Variants in CCSER1 observed in about 807,000 individuals in gnomAD.
CCSER1 encodes serine-rich coiled-coil domain-containing protein 1.
In CCSER1, 41 loss-of-function variants were observed where a neutral mutation model predicts 82.0. That is an observed-to-expected ratio of 0.50 (90% CI 0.39 to 0.65). CCSER1 has a LOEUF of 0.65. Ranked by LOEUF, CCSER1 falls within the 30% of genes least tolerant of loss-of-function variation. The pLI is 0.00. For missense variants in CCSER1, 1,119 were observed against 1,064.2 expected, an observed-to-expected ratio of 1.05 and a Z score of -0.72; for synonymous variants, 414 against 383.9, an observed-to-expected ratio of 1.08 and a Z score of -0.92.
At chr4:90,196,130 G>A (rs1014989112) in intron 1 of CCSER1, among the ~76,000 whole-genome samples, 1 of 150,194 alleles carries the variant, frequency 6.7e-6, no homozygotes, top group African/African-American at 2.5e-5. Flanking sequence ...AGGTGTGGTG[G>A]TGTGTTCCAG....
intron 9 of CCSER1, among the ~76,000 whole-genome samples, chr4:91,038,963 A>G (rs1040072617): frequency 1.3e-5 from 2 of 152,216 alleles, no homozygotes; most frequent in Admixed American, 6.5e-5. Context: ...GCTAATTTTA[A>G]GAATGTTTGC....
chr4:90,451,577 A>G (rs187223331), intron 4 of CCSER1, among the ~76,000 whole-genome samples: 22 of 152,270 alleles, frequency 1.4e-4, no homozygotes, highest in Non-Finnish European at 1.6e-4. Flanking sequence ...CCCAGCTGGA[A>G]CCCAGCTGGA....
chr4:91,211,424 T>C (rs1016105421), intron 10 of CCSER1, among the ~76,000 whole-genome samples: 1 of 152,094 alleles, frequency 6.6e-6, no homozygotes, highest in Non-Finnish European at 1.5e-5. Flanking sequence ...TGTCTTTAAC[T>C]TGTACATTTT....
Position 90,559,809 on chromosome 4 carries a change from CAAAAAAA to C in CCSER1, c.1725-68196_1725-68190del, listed in dbSNP as rs1236087772. Among the ~76,000 whole-genome samples, 9 of 39,754 alleles carry C rather than the reference CAAAAAAA, an allele frequency of 2.3e-4. 1 individual carries two copies. Among genetic ancestry groups the C allele is most frequent in the East Asian group, 8.1e-4 (1 of 1,234 alleles). The allele number at this position is 39,754 out of a possible 152,430, so 26.1% of individuals were successfully genotyped here. A position where few individuals can be genotyped will look rare whatever the true frequency, so the allele number is the denominator to read the frequency against. On this transcript the variant is annotated intron_variant, in intron 5 of 10. Coordinates refer to ENST00000509176, the MANE Select transcript of CCSER1 (RefSeq NM_001145065.2). ...TGGGAGACAGACCGAGACTCCGTCTCAAAAAAAAAAAAAAAAAAAAAAAAAATAGCCG... is the reference window on the plus strand; with the variant it reads ...TGGGAGACAGACCGAGACTCCGTCTCAAAAAAAAAAAAAAAAAAATAGCCG...
At chr4:91,324,648 TAAAC>T (rs1746426082) in intron 10 of CCSER1, among the ~76,000 whole-genome samples, 1 of 152,148 alleles carries the variant, frequency 6.6e-6, no homozygotes, top group Admixed American at 6.6e-5. Context: ...CTCTGAGTAA[TAAAC>T]AAACAAAATA....
At chr4:90,928,751 T>C (rs1307588585) in intron 9 of CCSER1, among the ~76,000 whole-genome samples, 1 of 152,124 alleles carries the variant, frequency 6.6e-6, no homozygotes, top group African/African-American at 2.4e-5. Flanking sequence ...TGTGATGTGC[T>C]TCTTGAAAAT....
intron 7 of CCSER1, among the ~76,000 whole-genome samples, chr4:90,727,962 T>G (rs568171987): frequency 3.9e-4 from 60 of 152,328 alleles, no homozygotes; most frequent in African/African-American, 1.4e-3. Context: ...TCTATTCTAT[T>G]GTTCTTTGAA....
intron 3 of CCSER1, among the ~76,000 whole-genome samples, chr4:90,343,088 C>CT (rs992080835): frequency 6.6e-6 from 1 of 151,992 alleles, no homozygotes; most frequent in Non-Finnish European, 1.5e-5. Context: ...AGGTCAGCCT[C>CT]TTTATCTGTA....
At chr4:91,449,771 T>C (rs1441230434) in intron 10 of CCSER1, among the ~76,000 whole-genome samples, 1 of 152,084 alleles carries the variant, frequency 6.6e-6, no homozygotes, top group Non-Finnish European at 1.5e-5. Context: ...ATTTTAAGTT[T>C]GTTGAAATTT....
At chr4:90,532,037 G>A (rs1774603438) in intron 5 of CCSER1, among the ~76,000 whole-genome samples, 1 of 152,038 alleles carries the variant, frequency 6.6e-6, no homozygotes, top group Non-Finnish European at 1.5e-5. Flanking sequence ...AAGAAAATAT[G>A]TTTGTAAGAT....
intron 9 of CCSER1, among the ~76,000 whole-genome samples, chr4:91,050,309 T>C (rs938074578): frequency 2.0e-5 from 3 of 151,936 alleles, no homozygotes; most frequent in Admixed American, 2.0e-4. Flanking sequence ...CAGATGCCTG[T>C]AATCCCCGCT....
At chr4:91,152,321 T>C (rs1730301673) in intron 10 of CCSER1, among the ~76,000 whole-genome samples, 1 of 152,244 alleles carries the variant, frequency 6.6e-6, no homozygotes, top group African/African-American at 2.4e-5. Context: ...GTTTTCCATT[T>C]GCTTGGCAGA....
At position 90,257,865 on chromosome 4, in the gene CCSER1, G is replaced by C. The variant is rs115998651; in HGVS notation, c.-41-50379G>C. On this transcript the variant is annotated intron_variant, in intron 1 of 10. Coordinates refer to ENST00000509176, the MANE Select transcript of CCSER1 (RefSeq NM_001145065.2). ...TTTTATTCTATTCAGGCCATCAAGG[G>C]ATTGGATAAGCCCCACTCATATTGG... is the stretch of plus-strand genomic sequence containing the variant. Among the ~76,000 whole-genome samples, 1,262 of 152,202 alleles carry C rather than the reference G, an allele frequency of 8.3e-3. 18 individuals are homozygous for C. The highest frequency in any genetic ancestry group is 0.029 in the African/African-American group (1,213 of 41,530).
At chr4:91,529,366 A>G (rs1285111065) in intron 10 of CCSER1, among the ~76,000 whole-genome samples, 3 of 152,142 alleles carry the variant, frequency 2.0e-5, no homozygotes, top group Non-Finnish European at 4.4e-5. Flanking sequence ...TAGGGCAAGA[A>G]GGAATTCTAA....
At chr4:91,104,650 T>A (rs1725427301) in intron 10 of CCSER1, among the ~76,000 whole-genome samples, 3 of 152,182 alleles carry the variant, frequency 2.0e-5, no homozygotes, top group Admixed American at 2.0e-4. Flanking sequence ...TACCACCAAG[T>A]AGGTGACTTT....
In CCSER1 at chr4:91,070,027, C is replaced by T. The variant is rs565742851; in HGVS notation, c.2173-15923C>T. On this transcript the variant is annotated intron_variant, in intron 9 of 10. Transcript: ENST00000509176. ...CAAGAAATAGTCTTGCTCTGTCACC[C>T]AGGCTGGAGTGCAGTGGTGCCATCT... 7.3e-5 allele frequency among the ~76,000 whole-genome samples: 11 copies of T among 151,636 alleles called. No individual in the cohort carries two copies. In the South Asian group the frequency reaches 8.3e-4, roughly 11 times the overall value.
At chr4:90,641,361 T>A (rs977003572) in intron 6 of CCSER1, among the ~76,000 whole-genome samples, 5 of 152,074 alleles carry the variant, frequency 3.3e-5, no homozygotes, top group African/African-American at 1.2e-4. Context: ...CAGGGTAAGA[T>A]TATCTGTTAG....
intron 9 of CCSER1, among the ~76,000 whole-genome samples, chr4:90,937,562 G>A (rs557026827): frequency 1.3e-5 from 2 of 151,210 alleles, no homozygotes; most frequent in Non-Finnish European, 2.9e-5. Flanking sequence ...CACTCCCCAA[G>A]CCAGCATCCA....
intron 10 of CCSER1, among the ~76,000 whole-genome samples, chr4:91,523,542 C>T (rs767158616): frequency 3.3e-5 from 5 of 152,084 alleles, no homozygotes; most frequent in Admixed American, 6.5e-5. Flanking sequence ...ATTATTGCCT[C>T]GATTTCAGAG....
Sources: gnomAD v4.1 joint callset for allele counts (sites outside exome capture counted in the v4.1 genomes callset) on GRCh38, gnomAD v4.1.1 for gene constraint, MANE v1.5 for transcripts, NCBI Gene and HGNC (gene_info 2026-07-23, HGNC 2026-07-21) for gene names.